Variants in CHRM3 observed in about 807,000 individuals in gnomAD.
CHRM3 encodes cholinergic receptor muscarinic 3, also known as muscarinic acetylcholine receptor M3.
In CHRM3, 11 loss-of-function variants were observed where a neutral mutation model predicts 41.8. The observed-to-expected ratio is 0.26, with a 90% CI of 0.17 to 0.44. CHRM3 has a LOEUF of 0.44. Among genes scored for constraint, CHRM3 ranks in the 20% least tolerant of loss-of-function variants. The pLI is 1.00. For missense variants in CHRM3, 571 were observed against 745.4 expected, an observed-to-expected ratio of 0.77 and a Z score of 2.72; for synonymous variants, 297 against 301.4, an observed-to-expected ratio of 0.99 and a Z score of 0.15.
chr1:239,395,032 T>C (rs1208696898), intron 1 of CHRM3, among the ~76,000 whole-genome samples: 1 of 152,198 alleles, frequency 6.6e-6, no homozygotes, highest in Non-Finnish European at 1.5e-5. Context: ...CTCTTAGTCA[T>C]AAAACGGGTA....
At chr1:239,456,095 G>C (rs192406395) in intron 1 of CHRM3, among the ~76,000 whole-genome samples, 1 of 152,196 alleles carries the variant, frequency 6.6e-6, no homozygotes, top group Non-Finnish European at 1.5e-5. Context: ...ATCTGATGCC[G>C]TGATCCTGGT....
chr1:239,412,560 T>C (rs955832106), intron 1 of CHRM3, among the ~76,000 whole-genome samples: 3 of 151,080 alleles, frequency 2.0e-5, no homozygotes, highest in African/African-American at 7.3e-5. Context: ...CCTCTGCTGG[T>C]TATCAGGAAG....
chr1:239,658,461 C>T (rs1195296723), intron 4 of CHRM3, among the ~76,000 whole-genome samples: 1 of 152,184 alleles, frequency 6.6e-6, no homozygotes, highest in Non-Finnish European at 1.5e-5. Context: ...AGGGAGTTGC[C>T]ATGCCTAATG....
chr1:239,669,041 C>CGAA (rs1674096785), intron 4 of CHRM3, among the ~76,000 whole-genome samples: 1 of 152,128 alleles, frequency 6.6e-6, no homozygotes, highest in African/African-American at 2.4e-5. Flanking sequence ...CCTGAGCTTC[C>CGAA]ATCTCCCCGA....
At chr1:239,428,580 G>A (rs1662580117) in intron 1 of CHRM3, among the ~76,000 whole-genome samples, 4 of 152,166 alleles carry the variant, frequency 2.6e-5, no homozygotes, top group Admixed American at 2.6e-4. Flanking sequence ...ATTTTTAAAA[G>A]ATGCAGTAAC....
intron 4 of CHRM3, among the ~76,000 whole-genome samples, chr1:239,662,228 C>T (rs371700956): frequency 6.6e-6 from 1 of 151,634 alleles, no homozygotes; most frequent in East Asian, 1.9e-4. Flanking sequence ...TATTTCTCAG[C>T]TGATTGAAAA....
chr1:239,891,233 C>T (rs1019778253), intron 6 of CHRM3, among the ~76,000 whole-genome samples: 2 of 152,148 alleles, frequency 1.3e-5, no homozygotes, highest in African/African-American at 4.8e-5. Context: ...AGAGTTCTAT[C>T]GCCCAGAGGA....
chr1:239,618,891 C>T (rs1460791089), intron 3 of CHRM3, among the ~76,000 whole-genome samples: 2 of 138,202 alleles, frequency 1.4e-5, no homozygotes, highest in African/African-American at 5.5e-5. Context: ...GTCATATTTC[C>T]TCTCTCTTTT....
intron 5 of CHRM3, among the ~76,000 whole-genome samples, chr1:239,717,754 C>T (rs1214035973): frequency 6.6e-6 from 1 of 152,062 alleles, no homozygotes; most frequent in African/African-American, 2.4e-5. Flanking sequence ...CCAGATCCCT[C>T]ATTTCGGTTC....
chr1:239,788,068 T>C (rs1669051742), intron 5 of CHRM3, among the ~76,000 whole-genome samples: 1 of 152,016 alleles, frequency 6.6e-6, no homozygotes, highest in African/African-American at 2.4e-5. Context: ...GATTCCTCTC[T>C]ACAACAATTT....
chr1:239,679,606 T>C (rs897651283), intron 5 of CHRM3, among the ~76,000 whole-genome samples: 2 of 152,202 alleles, frequency 1.3e-5, no homozygotes, highest in African/African-American at 2.4e-5. Flanking sequence ...CAAAGAGTTC[T>C]ACTTTTACAT....
intron 6 of CHRM3, among the ~76,000 whole-genome samples, chr1:239,891,449 T>G (rs1185322409): frequency 2.0e-5 from 3 of 152,152 alleles, no homozygotes; most frequent in Non-Finnish European, 4.4e-5. Flanking sequence ...TTATTTCCCA[T>G]AAAGAGTTGC....
chr1:239,796,105 A>G (rs1304086990), intron 5 of CHRM3, among the ~76,000 whole-genome samples: 1 of 152,198 alleles, frequency 6.6e-6, no homozygotes, highest in African/African-American at 2.4e-5. Flanking sequence ...CGACATTACT[A>G]TGACTTCTGT....
chr1:239,759,983 A>C (rs977081246), intron 5 of CHRM3, among the ~76,000 whole-genome samples: 21 of 151,980 alleles, frequency 1.4e-4, no homozygotes, highest in African/African-American at 4.3e-4. Context: ...GGCGCGATCT[A>C]GACTCACTGC....
intron 1 of CHRM3, among the ~76,000 whole-genome samples, chr1:239,396,447 A>AAAAATTATT (rs1453516784): frequency 6.6e-6 from 1 of 152,016 alleles, no homozygotes; most frequent in Non-Finnish European, 1.5e-5. Context: ...AAATCTCTAC[A>AAAAATTATT]AAAATTATTA....
At chr1:239,576,959 C>T (rs1243883001) in intron 3 of CHRM3, among the ~76,000 whole-genome samples, 1 of 152,126 alleles carries the variant, frequency 6.6e-6, no homozygotes, top group Non-Finnish European at 1.5e-5. Flanking sequence ...TAAAGCTAGC[C>T]TACTTACTTC....
intron 5 of CHRM3, among the ~76,000 whole-genome samples, chr1:239,734,563 T>C (rs1159370305): frequency 2.6e-5 from 4 of 152,120 alleles, no homozygotes; most frequent in African/African-American, 9.7e-5. Context: ...AAGCTGTACT[T>C]CAGGCTGTAC....
chr1:239,547,739 C>T (rs1356567487), intron 3 of CHRM3, among the ~76,000 whole-genome samples: 3 of 152,062 alleles, frequency 2.0e-5, no homozygotes, highest in Non-Finnish European at 4.4e-5. Flanking sequence ...TGAAAATGTC[C>T]TTGCCACGTG....
chr1:239,738,068 T>C (rs929840203), intron 5 of CHRM3, among the ~76,000 whole-genome samples: 14 of 152,320 alleles, frequency 9.2e-5, no homozygotes, highest in Middle Eastern at 3.4e-3. Context: ...TTTATCTAAT[T>C]GTTTCATTAG....
Sources: allele counts gnomAD v4.1 joint callset (sites outside exome capture counted in the v4.1 genomes callset), GRCh38; gene constraint gnomAD v4.1.1; transcripts MANE v1.5; gene names NCBI Gene and HGNC (gene_info 2026-07-23, HGNC 2026-07-21).